The following NUDT10 variants were observed in gnomAD, a reference collection of about 807,000 sequenced individuals.
NUDT10 encodes diphosphoinositol polyphosphate phosphohydrolase 3-alpha.
A neutral mutation model predicts 10.5 loss-of-function variants in NUDT10; 2 were observed. That is an observed-to-expected ratio of 0.19 (90% CI 0.08 to 0.60). The LOEUF (loss-of-function observed/expected upper bound fraction) is 0.60, where lower values mean the gene tolerates loss of function less well. Ranked by LOEUF, NUDT10 falls within the 20% of genes least tolerant of loss-of-function variation. The pLI is 0.89. For synonymous variants in NUDT10, 53 were observed against 71.8 expected (o/e 0.74, Z 1.32); for missense variants, 75 against 149.5 (o/e 0.50, Z 2.60).
At chrX:51,332,448 G>T, upstream of NUDT10, 1 of 116,273 alleles carries the variant, frequency 8.6e-6, no homozygotes, top group East Asian at 2.8e-4. Context: ...CGCCAAGGAG[G>T]TTCCTGGCCC....
rs1557312801 is a variant in NUDT10, at chrX:51,336,951, A to T, written c.*712A>T. 8.9e-6 allele frequency: 1 copy of T among 112,130 alleles called. No homozygotes were observed. The highest frequency in any genetic ancestry group is 1.9e-5 in the Non-Finnish European group (1 of 53,271). The allele number at this position is 112,130 out of a possible 1,213,427, so 9.2% of individuals were successfully genotyped here. A position where few individuals can be genotyped will look rare whatever the true frequency, so the allele number is the denominator to read the frequency against. On this transcript the variant is annotated 3_prime_UTR_variant, in exon 2 of 2. Coordinates refer to ENST00000356450, the MANE Select transcript of NUDT10 (RefSeq NM_001304963.2). ...AAATATTTGCCCAAACATTGAACCT[A>T]AATTTGACCATGCCCCTAGAAATAA...
chrX:51,336,269 T>G lies in NUDT10; in HGVS notation c.*30T>G, dbSNP rs1223410736. ...TGGCATAGATGTTGTTCAGATTTAC[T>G]TTGAAAGAATCAAGTATGTGAATGG... On this transcript the variant is annotated 3_prime_UTR_variant, in exon 2 of 2. Coordinates refer to ENST00000356450, the MANE Select transcript of NUDT10 (RefSeq NM_001304963.2). 3.6e-6 allele frequency: 2 copies of G among 559,724 alleles called. No individual in the cohort carries two copies. The allele number at this position is 559,724 out of a possible 1,213,427, so 46.1% of individuals were successfully genotyped here.
At position 51,332,910 on chromosome X, in the gene NUDT10, G is replaced by A. The variant is rs2146580025; in HGVS notation, c.-56G>A. The A allele has an allele frequency of 8.7e-7, 1 of 1,145,721 alleles. No homozygotes were observed. The highest frequency in any genetic ancestry group is 1.2e-6 in the Non-Finnish European group (1 of 852,943). The allele number at this position is 1,145,721 out of a possible 1,213,427, so 94.4% of individuals were successfully genotyped here. On this transcript the variant is annotated 5_prime_UTR_variant, in exon 1 of 2. Coordinates refer to ENST00000356450, the MANE Select transcript of NUDT10 (RefSeq NM_001304963.2). Reference sequence around the variant, plus strand: ...CCTCGGCTGCTGCCCGGCAGCGGCAGCAGCTGCGTCGGCGGCCCACACAGC... The same window carrying A: ...CCTCGGCTGCTGCCCGGCAGCGGCAACAGCTGCGTCGGCGGCCCACACAGC...
At position 51,332,861 on chromosome X, in the gene NUDT10, C is replaced by G. The variant is rs1416961498; in HGVS notation, c.-105C>G. ...GGCGCCTCTCTCTCCCCGCCCCTCT[C>G]CTCGGCCCTTTCTCTTCCCAGCACC... On this transcript the variant is annotated 5_prime_UTR_variant, in exon 1 of 2. Coordinates refer to ENST00000356450, the MANE Select transcript of NUDT10 (RefSeq NM_001304963.2). 9.2e-7 allele frequency: 1 copy of G among 1,088,328 alleles called. No individual in the cohort carries two copies. The highest frequency in any genetic ancestry group is 1.2e-6 in the Non-Finnish European group (1 of 825,092). The allele number at this position is 1,088,328 out of a possible 1,213,427, so 89.7% of individuals were successfully genotyped here. A position where few individuals can be genotyped will look rare whatever the true frequency, so the allele number is the denominator to read the frequency against.
upstream of NUDT10, among the ~76,000 whole-genome samples, chrX:51,332,639 G>A (rs1922693867): frequency 8.8e-6 from 1 of 113,078 alleles, no homozygotes; most frequent in Admixed American, 9.2e-5. Context: ...CGCAGAAGCG[G>A]GTGGGCTCTG....
chrX:51,336,166 C>T (rs1175612030), intron 1 of NUDT10, 73 bp from the exon 2 acceptor site: 1 of 525,968 alleles, frequency 1.9e-6, no homozygotes, highest in Non-Finnish European at 3.5e-6. Flanking sequence ...ATAGTAGGTG[C>T]TCAATAAGTA....
At chrX:51,335,013 AAG>A (rs1177898104) in intron 1 of NUDT10, among the ~76,000 whole-genome samples, 2 of 110,603 alleles carry the variant, frequency 1.8e-5, no homozygotes, top group Non-Finnish European at 3.8e-5. Context: ...CTAGTTTTTG[AAG>A]AGAGTATGGG....
At chrX:51,335,296 C>T (rs1227218798) in intron 1 of NUDT10, among the ~76,000 whole-genome samples, 2 of 81,867 alleles carry the variant, frequency 2.4e-5, no homozygotes, top group Admixed American at 1.5e-4. Flanking sequence ...CCAGCCTGGG[C>T]GACCGTCTCA....
intron 1 of NUDT10, among the ~76,000 whole-genome samples, chrX:51,335,393 A>C (rs1180876504): frequency 9.0e-6 from 1 of 111,166 alleles, no homozygotes. Context: ...ATTCTAAAAA[A>C]AATTTGAAGA....
At chrX:51,334,669 G>A (rs1340168332) in intron 1 of NUDT10, among the ~76,000 whole-genome samples, 2 of 111,844 alleles carry the variant, frequency 1.8e-5, no homozygotes, top group African/African-American at 6.5e-5. Flanking sequence ...GTACTTGCTT[G>A]AAGTCAGGAA....
Position 51,332,946 on chromosome X carries a change from G to T in NUDT10, c.-20G>T. 1 of 1,209,977 alleles carries T rather than the reference G, an allele frequency of 8.3e-7. No homozygotes were observed. Among genetic ancestry groups the T allele is most frequent in the South Asian group, 1.8e-5 (1 of 56,670 alleles). On this transcript the variant is annotated 5_prime_UTR_variant, in exon 1 of 2. Transcript: ENST00000356450. ...GGCGGCCCACACAGCAGCGAGAGGCGAGAGGAGGCTGCCTCGAGGATGAAG... is the reference window on the plus strand; with the variant it reads ...GGCGGCCCACACAGCAGCGAGAGGCTAGAGGAGGCTGCCTCGAGGATGAAG...
chrX:51,332,363 CCA>C (rs1421750351), upstream of NUDT10: 1 of 113,175 alleles, frequency 8.8e-6, no homozygotes, highest in African/African-American at 3.2e-5. Flanking sequence ...TCCTGCCGTG[CCA>C]CAGTGAGTTT....
chrX:51,333,778 T>TGGGGGGG (rs1569552317), intron 1 of NUDT10, among the ~76,000 whole-genome samples: 3 of 2,187 alleles, frequency 1.4e-3, no homozygotes, highest in African/African-American at 1.7e-3. Context: ...GGGCGAGGGG[T>TGGGGGGG]GGGCGGGGAG....
In NUDT10 at chrX:51,333,228, AC is replaced by A. The variant is rs782070595; in HGVS notation, c.267del (p.Lys90SerfsTer9). Reference sequence around the variant, plus strand: ...CTGGGCGTCTTCGAACAGAACCAGGACCCCAAGCACAGAACGTACGTGTATG... The same window carrying A: ...CTGGGCGTCTTCGAACAGAACCAGGACCCAAGCACAGAACGTACGTGTATG... ...RLLGVFEQNQ[D>X]PKHRTYVYVL... is the part of the protein sequence containing the mutation. On this transcript the variant is annotated frameshift_variant, in exon 1 of 2. Coordinates refer to ENST00000356450, the MANE Select transcript of NUDT10 (RefSeq NM_001304963.2). LOFTEE classifies it high-confidence loss of function. The A allele has an allele frequency of 8.3e-7, 1 of 1,208,569 alleles. No individual in the cohort carries two copies. The highest frequency in any genetic ancestry group is 1.8e-5 in the African/African-American group (1 of 56,752).
chrX:51,336,155 C>T (rs1922832837), intron 1 of NUDT10, 84 bp from the exon 2 acceptor site: 1 of 509,703 alleles, frequency 2.0e-6, no homozygotes, highest in Non-Finnish European at 3.6e-6. Flanking sequence ...GTTGATGAGC[C>T]ATAGTAGGTG....
upstream of NUDT10, chrX:51,332,460 A>C (rs113174875): frequency 6.0e-3 from 702 of 117,624 alleles, 3 homozygotes; most frequent in African/African-American, 0.021. Flanking sequence ...TCCTGGCCCC[A>C]GGAGTGCGAA....
intron 1 of NUDT10, among the ~76,000 whole-genome samples, chrX:51,335,305 CA>C (rs35660767): frequency 0.35 from 15,042 of 43,089 alleles, 1,186 homozygotes; most frequent in Non-Finnish European, 0.4. Context: ...GCGACCGTCT[CA>C]AAAAAAAAAA....
Position 51,333,020 on chromosome X carries a change from C to T in NUDT10, c.55C>T (p.Arg19Trp). 8.3e-7 allele frequency: 1 copy of T among 1,211,433 alleles called. No homozygotes were observed. The highest frequency in any genetic ancestry group is 1.1e-6 in the Non-Finnish European group (1 of 895,339). The change falls in exon 1 of 2, where the codon CGG (arginine) becomes TGG (tryptophan). Residue 19 changes from arginine to tryptophan, a missense_variant. Coordinates refer to ENST00000356450, the MANE Select transcript of NUDT10 (RefSeq NM_001304963.2). ...RTYDPEGFKKRAACLCFRSER... is the reference protein window; with the variant it reads ...RTYDPEGFKKWAACLCFRSER... ...CTACGACCCCGAGGGGTTCAAGAAGCGGGCGGCGTGCCTGTGCTTCCGGAG... is the reference window on the plus strand; with the variant it reads ...CTACGACCCCGAGGGGTTCAAGAAGTGGGCGGCGTGCCTGTGCTTCCGGAG...
Position 51,333,441 on chromosome X carries a change from C to T in NUDT10, c.476C>T (p.Ser159Leu), listed in dbSNP as rs140448074. The T allele has an allele frequency of 8.3e-7, 1 of 1,204,884 alleles. No individual in the cohort carries two copies. The highest frequency in any genetic ancestry group is 1.8e-5 in the African/African-American group (1 of 56,624). Residue 159 changes from serine to leucine, a missense_variant, in exon 1 of 2, where the codon TCG (serine) becomes TTG (leucine). Physicochemically the swap from Ser to Leu is moderately radical, Grantham distance 145. Coordinates refer to ENST00000356450, the MANE Select transcript of NUDT10 (RefSeq NM_001304963.2). ...AATGGAAACTCCATGGCCCCATCCT[C>T]GCCAGATAGCGATCCCTAGTATGTA... is the stretch of plus-strand genomic sequence containing the variant. The part of the protein sequence containing the change: ...PTNGNSMAPS[S>L]PDSDP
Sources: allele counts gnomAD v4.1 joint callset (sites outside exome capture counted in the v4.1 genomes callset), GRCh38; gene constraint gnomAD v4.1.1; transcripts MANE v1.5; gene names NCBI Gene and HGNC (gene_info 2026-07-23, HGNC 2026-07-21).